PDS5A: variants seen among roughly 807,000 people sequenced by gnomAD.
PDS5A encodes the protein sister chromatid cohesion protein PDS5 homolog A.
PDS5A carries 42 observed loss-of-function variants against 167.1 expected under a neutral mutation model. The ratio of observed to expected loss-of-function variants is 0.25; its 90% confidence interval spans 0.20 to 0.33. PDS5A has a LOEUF of 0.33. Ranked by LOEUF, PDS5A falls within the 10% of genes least tolerant of loss-of-function variation. The probability of loss-of-function intolerance (pLI) is 1.00; values close to 1 mark genes in which losing one functional copy is unlikely to be tolerated. For missense variants in PDS5A, 1,033 were observed against 1,605.9 expected (o/e 0.64, Z 6.10); for synonymous variants, 553 against 554.6 (o/e 1.00, Z 0.04).
chr4:39,879,708 CA>C lies in PDS5A; in HGVS notation c.1992+19del. 6.7e-7 allele frequency: 1 copy of C among 1,485,688 alleles called. No individual in the cohort carries two copies. The highest frequency in any genetic ancestry group is 1.1e-5 in the South Asian group (1 of 87,880). 92.0% of individuals were successfully genotyped at this position (1,485,688 alleles called of 1,614,324 possible). A position where few individuals can be genotyped will look rare whatever the true frequency, so the allele number is the denominator to read the frequency against. On this transcript the variant is annotated intron_variant, in intron 18 of 32. Transcript: ENST00000303538. ...ATGACCCCACGGAAATACATGGCAA[CA>C]AAACTGTTTCAAAAATACCTTAAGA...
chr4:39,831,875 C>CAAAAA (rs58913167), intron 32 of PDS5A, among the ~76,000 whole-genome samples: 833 of 25,956 alleles, frequency 0.032, 162 homozygotes, highest in Middle Eastern at 0.056. Flanking sequence ...AAACTCGTCT[C>CAAAAA]AAAAAAAAAA....
chr4:39,836,873 A>G (rs1404468881), intron 32 of PDS5A: 2 of 148,964 alleles, frequency 1.3e-5, no homozygotes, highest in Non-Finnish European at 3.0e-5. Context: ...CAGTGTCGCA[A>G]TCTTGGCTCA....
chr4:39,869,405 C>T lies in PDS5A; in HGVS notation c.2494G>A (p.Val832Ile). Residue 832 changes from valine to isoleucine, a missense_variant, in exon 22 of 33, where the codon GTA becomes ATA. By Grantham distance (29) the Val-to-Ile change is conservative (BLOSUM62 3). Coordinates refer to ENST00000303538, the MANE Select transcript of PDS5A (RefSeq NM_001100399.2). ...WSPDEEVSPE[V>I]LAKVQAIKLL... is the part of the protein sequence containing the mutation. ...CTAAACAAATTTACCTTTGCTAGTA[C>T]TTCAGGGGAAACCTCTTCATCTGGA... The T allele has an allele frequency of 1.3e-6, 2 of 1,593,396 alleles. No homozygotes were observed. The highest frequency in any genetic ancestry group is 1.7e-6 in the Non-Finnish European group (2 of 1,161,156).
chr4:39,958,807 C>G (rs1729208328), intron 2 of PDS5A, among the ~76,000 whole-genome samples: 1 of 152,056 alleles, frequency 6.6e-6, no homozygotes, highest in African/African-American at 2.4e-5. Context: ...TGGGGTTTCA[C>G]CATGTTGGCC....
At chr4:39,863,302 ATAAG>A (rs1319765181) in intron 24 of PDS5A, 30 bp downstream of exon 24, 3 of 1,503,636 alleles carry the variant, frequency 2.0e-6, no homozygotes, top group Non-Finnish European at 2.7e-6. Flanking sequence ...AACTTTGAAG[ATAAG>A]TAATTGACAA....
chr4:39,912,511 G>A (rs376099326), intron 9 of PDS5A, among the ~76,000 whole-genome samples: 14 of 152,234 alleles, frequency 9.2e-5, no homozygotes, highest in South Asian at 4.2e-4. Flanking sequence ...TCAAAATGGC[G>A]TGTTCTGGGC....
At chr4:39,955,329 T>C (rs1299956422) in intron 2 of PDS5A, among the ~76,000 whole-genome samples, 1 of 152,060 alleles carries the variant, frequency 6.6e-6, no homozygotes, top group Non-Finnish European at 1.5e-5. Context: ...GGGCCGGGCG[T>C]GGTGGCTCAA....
rs546983418 is a variant in PDS5A, at chr4:39,927,138, C to G, written c.343-277G>C. 7.4e-4 allele frequency among the ~76,000 whole-genome samples: 112 copies of G among 152,320 alleles called. 1 individual carries two copies. In the South Asian group the frequency reaches 0.022, roughly 30 times the overall value. ...CTATATCTCATTATAATTTCTTCTA[C>G]TATCGTGCTTTCACTTTACTCACTA... On this transcript the variant is annotated intron_variant, in intron 3 of 32. Transcript: ENST00000303538.
rs750807530 is a variant in PDS5A, at chr4:39,844,763, A to T, written c.3441T>A (p.Pro1147=). The T allele has an allele frequency of 1.9e-6, 3 of 1,613,372 alleles. No individual in the cohort carries two copies. In the South Asian group the frequency reaches 3.3e-5, roughly 18 times the overall value. ...PAGVLGAVNK[P]LSATGRKPYV... Reference sequence around the variant, plus strand: ...AGGGTTTCCTTCCCGTTGCTGATAAAGGCTTATTTACTGCACCTAGTACTC... The same window carrying T: ...AGGGTTTCCTTCCCGTTGCTGATAATGGCTTATTTACTGCACCTAGTACTC... Residue 1147 remains proline (P), a synonymous_variant, in exon 30 of 33, where the codon CCT becomes CCA. Coordinates refer to ENST00000303538, the MANE Select transcript of PDS5A (RefSeq NM_001100399.2).
At chr4:39,933,055 C>T (rs1399326999) in intron 2 of PDS5A, 1 of 152,236 alleles carries the variant, frequency 6.6e-6, no homozygotes, top group East Asian at 1.9e-4. Context: ...GTAGTCCCAG[C>T]TACTCGGGAG....
At chr4:39,975,286 A>G (rs1260217138) in intron 2 of PDS5A, among the ~76,000 whole-genome samples, 1 of 152,118 alleles carries the variant, frequency 6.6e-6, no homozygotes, top group Non-Finnish European at 1.5e-5. Context: ...TATTCCTTCC[A>G]AAAAGGCAAC....
At chr4:39,973,932 T>C in intron 2 of PDS5A, 1 of 573,996 alleles carries the variant, frequency 1.7e-6, no homozygotes, top group Non-Finnish European at 3.2e-6. Context: ...GAGACCATCC[T>C]GGCTAACACG....
intron 8 of PDS5A, among the ~76,000 whole-genome samples, chr4:39,915,760 A>G (rs1393417193): frequency 3.9e-5 from 6 of 152,180 alleles, no homozygotes; most frequent in Admixed American, 3.9e-4. Flanking sequence ...AATATGATTT[A>G]CTTCTTAAAG....
At chr4:39,976,859 G>A (rs903450775) in intron 1 of PDS5A, among the ~76,000 whole-genome samples, 1 of 152,064 alleles carries the variant, frequency 6.6e-6, no homozygotes, top group Non-Finnish European at 1.5e-5. Context: ...ACAGCGCCAG[G>A]AGTTTCCCAT....
chr4:39,874,434 T>C lies in PDS5A; in HGVS notation c.2154-22A>G, dbSNP rs565477075. On this transcript the variant is annotated intron_variant, in intron 19 of 32. Coordinates refer to ENST00000303538, the MANE Select transcript of PDS5A (RefSeq NM_001100399.2). ...GGTCCTGCAAAAAATAATATAGTTGTTTTTTTTTCTTAAACCCATAAACCA... is the reference window on the plus strand; with the variant it reads ...GGTCCTGCAAAAAATAATATAGTTGCTTTTTTTTCTTAAACCCATAAACCA... 16 of 1,593,532 alleles carry C rather than the reference T, an allele frequency of 1.0e-5. No individual in the cohort carries two copies. In the Admixed American group the frequency reaches 1.0e-4, roughly 10 times the overall value.
At chr4:39,921,583 TAAAAAAA>T (rs375091298) in intron 6 of PDS5A, among the ~76,000 whole-genome samples, 13 of 86,864 alleles carry the variant, frequency 1.5e-4, no homozygotes, top group African/African-American at 3.5e-4. Context: ...AAAGAAAACT[TAAAAAAA>T]AAAAAAAAAA....
chr4:39,898,205 T>C (rs1578695122), intron 16 of PDS5A, 184 bp downstream of exon 16: 2 of 1,269,094 alleles, frequency 1.6e-6, no homozygotes, highest in Non-Finnish European at 2.0e-6. Flanking sequence ...GTTATTTTCC[T>C]GGAATGTGGC....
chr4:39,840,873 A>G (rs1716937989), intron 31 of PDS5A, among the ~76,000 whole-genome samples: 1 of 150,138 alleles, frequency 6.7e-6, no homozygotes, highest in Admixed American at 6.7e-5. Flanking sequence ...TCCTGTCTCG[A>G]CCTCTTGAGT....
intron 5 of PDS5A, among the ~76,000 whole-genome samples, chr4:39,923,666 C>G (rs1415363189): frequency 1.3e-5 from 2 of 151,888 alleles, no homozygotes; most frequent in Admixed American, 6.6e-5. Flanking sequence ...CACACACACA[C>G]ACACACGCAT....
Sources: allele counts gnomAD v4.1 joint callset (sites outside exome capture counted in the v4.1 genomes callset), GRCh38; gene constraint gnomAD v4.1.1; transcripts MANE v1.5; gene names NCBI Gene and HGNC (gene_info 2026-07-23, HGNC 2026-07-21).